The following DPY19L2 variants were observed in gnomAD, a reference collection of about 807,000 sequenced individuals.
The protein encoded by DPY19L2 is dpy-19 like 2.
A neutral mutation model predicts 97.9 loss-of-function variants in DPY19L2; 34 were observed. The observed-to-expected ratio is 0.35, with a 90% CI of 0.26 to 0.46. The LOEUF is 0.46. Among genes scored for constraint, DPY19L2 ranks in the 20% least tolerant of loss-of-function variants. DPY19L2 has a pLI of 1.00. For synonymous variants in DPY19L2, 230 were observed against 307.9 expected, an observed-to-expected ratio of 0.75 and a Z score of 2.65; for missense variants, 623 against 911.4, an observed-to-expected ratio of 0.68 and a Z score of 4.07.
intron 5 of DPY19L2, among the ~76,000 whole-genome samples, chr12:63,645,382 C>G (rs1331685512): frequency 6.6e-6 from 1 of 152,066 alleles, no homozygotes; most frequent in Non-Finnish European, 1.5e-5. Flanking sequence ...TCATATCCCC[C>G]CTTCATTTCT....
At chr12:63,630,666 A>G (rs1890446904) in intron 6 of DPY19L2, among the ~76,000 whole-genome samples, 1 of 152,018 alleles carries the variant, frequency 6.6e-6, no homozygotes, top group East Asian at 1.9e-4. Context: ...CCCGAGACAG[A>G]AAGTTAACAA....
intron 5 of DPY19L2, among the ~76,000 whole-genome samples, chr12:63,646,936 T>C (rs796434239): frequency 3.4e-4 from 52 of 152,268 alleles, no homozygotes; most frequent in African/African-American, 1.2e-3. Context: ...TCAAAATTTA[T>C]ATATTGCAGC....
chr12:63,668,499 C>T (rs1896606253), upstream of DPY19L2: 1 of 1,214,864 alleles, frequency 8.2e-7, no homozygotes, highest in South Asian at 1.6e-5. Context: ...GGACTTGTCC[C>T]CGCAGCCGTT....
At chr12:63,606,197 G>A (rs1886020808) in intron 12 of DPY19L2, among the ~76,000 whole-genome samples, 1 of 151,702 alleles carries the variant, frequency 6.6e-6, no homozygotes, top group Admixed American at 6.6e-5. Context: ...ATTCTTTCTA[G>A]GTAAATATGA....
At position 63,619,145 on chromosome 12, in the gene DPY19L2, T is replaced by TA. The variant is rs934795323; in HGVS notation, c.1054-918dup. Among the ~76,000 whole-genome samples, 239 of 149,064 alleles carry TA rather than the reference T, an allele frequency of 1.6e-3. 3 individuals carry two copies. The highest frequency in any genetic ancestry group is 5.5e-3 in the African/African-American group (225 of 40,834). On this transcript the variant is annotated intron_variant, in intron 9 of 21. Coordinates refer to ENST00000324472, the MANE Select transcript of DPY19L2 (RefSeq NM_173812.5). ...AAATTCCAGGAGAGCACAGAAGTCA[T>TA]AAAAAAAAAATTGGGCCAGGCATGG...
At chr12:63,604,337 G>A (rs1158174711) in intron 12 of DPY19L2, among the ~76,000 whole-genome samples, 1 of 151,992 alleles carries the variant, frequency 6.6e-6, no homozygotes, top group African/African-American at 2.4e-5. Flanking sequence ...GTCTTACTTG[G>A]GAATCGCTCA....
At chr12:63,598,827 A>G (rs2137547384) in intron 13 of DPY19L2, among the ~76,000 whole-genome samples, 2 of 152,212 alleles carry the variant, frequency 1.3e-5, no homozygotes, top group Admixed American at 1.3e-4. Context: ...TAACTGTCAC[A>G]TAAAGGAAGT....
At chr12:63,626,375 G>T in intron 7 of DPY19L2, 94 bp downstream of exon 7, 2 of 1,333,218 alleles carry the variant, frequency 1.5e-6, no homozygotes, top group Non-Finnish European at 2.0e-6. Context: ...GAAGTCATAA[G>T]TAGTATACAA....
At chr12:63,590,381 A>G (rs1162887239) in intron 16 of DPY19L2, among the ~76,000 whole-genome samples, 1 of 152,188 alleles carries the variant, frequency 6.6e-6, no homozygotes, top group Admixed American at 6.5e-5. Context: ...CCTCATAATC[A>G]GCAGTCCAAA....
chr12:63,644,381 C>T, intron 6 of DPY19L2, 22 bp downstream of exon 6: 1 of 1,594,862 alleles, frequency 6.3e-7, no homozygotes, highest in Non-Finnish European at 8.5e-7. Flanking sequence ...TGAAAGGTCT[C>T]TTAATTCAGT....
intron 16 of DPY19L2, among the ~76,000 whole-genome samples, chr12:63,593,350 T>C (rs1435527254): frequency 2.0e-5 from 3 of 152,182 alleles, no homozygotes; most frequent in Non-Finnish European, 4.4e-5. Flanking sequence ...CGTATGTTTA[T>C]TGCGGCACTA....
At chr12:63,633,170 C>A (rs1891022573) in intron 6 of DPY19L2, among the ~76,000 whole-genome samples, 1 of 152,120 alleles carries the variant, frequency 6.6e-6, no homozygotes, top group Non-Finnish European at 1.5e-5. Flanking sequence ...GACTTCATGA[C>A]TAAAGCACCA....
chr12:63,579,585 GAC>G (rs1880507063), intron 19 of DPY19L2, among the ~76,000 whole-genome samples: 1 of 152,070 alleles, frequency 6.6e-6, no homozygotes, highest in African/African-American at 2.4e-5. Context: ...AACAAAGAAA[GAC>G]ACAAGAAAAG....
rs1160233561 is a variant in DPY19L2, at chr12:63,580,671, T to C, written c.1891A>G (p.Thr631Ala). ...CCAAATACCTACACACCTGATGTGG[T>C]ACTGTATTTGATCCACTGTAAAAGT... ...EELLQWIKYS[T>A]TSDAVFAGAM... The change falls in exon 19 of 22, where the codon ACC (threonine) becomes GCC (alanine). Residue 631 changes from threonine (T) to alanine (A), a missense_variant. Physicochemically the swap from Thr to Ala is moderately conservative, Grantham distance 58. Transcript: ENST00000324472. 5 of 1,611,688 alleles carry C rather than the reference T, an allele frequency of 3.1e-6. No individual in the cohort carries two copies. The highest frequency in any genetic ancestry group is 4.2e-6 in the Non-Finnish European group (5 of 1,179,078).
chr12:63,603,167 G>A (rs1885457534), intron 12 of DPY19L2, among the ~76,000 whole-genome samples: 4 of 151,982 alleles, frequency 2.6e-5, no homozygotes, highest in Non-Finnish European at 5.9e-5. Flanking sequence ...AAAAATGAAA[G>A]AGTGAAAATA....
In DPY19L2 at chr12:63,621,284, G is replaced by A. The variant is rs1262313095; in HGVS notation, c.1007C>T (p.Ala336Val). ...AGCAAATTGCCAGGGAAGCATAAAA[G>A]CAACATTGGAAAGACAGAGTGCAAT... ...PFIALCLSNV[A>V]FMLPWQFAQF... Residue 336 changes from alanine to valine, a missense_variant, in exon 9 of 22, where the codon GCT (alanine) becomes GTT (valine). By Grantham distance (64) the Ala-to-Val change is moderately conservative. This residue lies in a region of DPY19L2 where 67 missense variants were observed against 88.0 expected (regional missense o/e 0.76). Transcript: ENST00000324472. 1.8e-6 allele frequency: 2 copies of A among 1,139,654 alleles called. No homozygotes were observed. The highest frequency in any genetic ancestry group is 2.6e-6 in the Non-Finnish European group (2 of 778,194). 70.6% of individuals were successfully genotyped at this position (1,139,654 alleles called of 1,614,324 possible).
Position 63,624,113 on chromosome 12 carries a change from T to C in DPY19L2, c.880A>G (p.Thr294Ala), listed in dbSNP as rs764591745. The C allele has an allele frequency of 1.4e-5, 23 of 1,611,534 alleles. No individual in the cohort carries two copies. In the South Asian group the frequency reaches 2.5e-4, roughly 18 times the overall value. The change falls in exon 8 of 22, where the codon ACA (threonine) becomes GCA (alanine). Residue 294 changes from threonine (T) to alanine (A), a missense_variant. Coordinates refer to ENST00000324472, the MANE Select transcript of DPY19L2 (RefSeq NM_173812.5). ...NHGEATRVMW[T>A]PPLRESFSYP... ...GAAAAACTTTCACGGAGAGGTGGTG[T>C]CCACATCACACGGGTGGCCTGAAAT...
chr12:63,617,168 C>A, intron 11 of DPY19L2, 136 bp downstream of exon 11: 2 of 598,672 alleles, frequency 3.3e-6, no homozygotes, highest in African/African-American at 1.9e-5. Context: ...AGATAAAAAG[C>A]TTTGCTTGGG....
At chr12:63,647,119 T>C (rs2942591) in intron 5 of DPY19L2, 126 bp downstream of exon 5, 6 of 837,628 alleles carry the variant, frequency 7.2e-6, no homozygotes, top group African/African-American at 1.8e-5. Flanking sequence ...TACTCATTGA[T>C]GTGAGTCAGT....
Sources: allele counts gnomAD v4.1 joint callset (sites outside exome capture counted in the v4.1 genomes callset), GRCh38; gene constraint gnomAD v4.1.1; regional missense constraint gnomAD v4.1.1; transcripts MANE v1.5; gene names NCBI Gene and HGNC (gene_info 2026-07-23, HGNC 2026-07-21).